CHST15: variants seen among roughly 807,000 people sequenced by gnomAD.
CHST15 encodes carbohydrate sulfotransferase 15, also known as B cell RAG associated protein (GALNAC4S-6ST).
In CHST15, 30 loss-of-function variants were observed where a neutral mutation model predicts 53.6. The ratio of observed to expected loss-of-function variants is 0.56; its 90% CI spans 0.42 to 0.76. CHST15 has a LOEUF of 0.76. Ranked by LOEUF, CHST15 falls within the 30% of genes least tolerant of loss-of-function variation. The pLI is 0.00. For synonymous variants in CHST15, 296 were observed against 289.8 expected, an observed-to-expected ratio of 1.02 and a Z score of -0.22; for missense variants, 627 against 740.5, an observed-to-expected ratio of 0.85 and a Z score of 1.78.
At chr10:124,084,117 C>T (rs1223528937) in intron 1 of CHST15, among the ~76,000 whole-genome samples, 1 of 152,210 alleles carries the variant, frequency 6.6e-6, no homozygotes, top group Non-Finnish European at 1.5e-5. Flanking sequence ...TCTGCTGCCC[C>T]AAGGAGTCCA....
Position 124,008,337 on chromosome 10 carries a change from G to A in CHST15, c.*1812C>T, listed in dbSNP as rs1371117156. The A allele has an allele frequency of 5.6e-6, 6 of 1,077,926 alleles. No homozygotes were observed. The highest frequency in any genetic ancestry group is 5.4e-5 in the Admixed American group (1 of 18,480). The allele number at this position is 1,077,926 out of a possible 1,614,324, so 66.8% of individuals were successfully genotyped here. ...ACTCAGAAGACGCACTCACCCACAC[G>A]TGCGCGTACACACACACACACGCGC... On this transcript the variant is annotated 3_prime_UTR_variant, in exon 8 of 8. Coordinates refer to ENST00000435907, the MANE Select transcript of CHST15 (RefSeq NM_001270764.2).
At chr10:124,032,601 G>A (rs554021390) in intron 5 of CHST15, among the ~76,000 whole-genome samples, 99 of 152,252 alleles carry the variant, frequency 6.5e-4, no homozygotes, top group African/African-American at 2.3e-3. Context: ...TACCACTTAC[G>A]AATGGGATTA....
Position 124,036,200 on chromosome 10 carries a change from AG to A in CHST15, c.1190+2314del, listed in dbSNP as rs1285567730. Among the ~76,000 whole-genome samples, 1 of 152,172 alleles carries A rather than the reference AG, an allele frequency of 6.6e-6. No homozygotes were observed. The highest frequency in any genetic ancestry group is 2.4e-5 in the African/African-American group (1 of 41,440). ...CCGGGGGCGGCGAGGGGTCAGCTCG[AG>A]GTGACAGTTATGTCACCATGAGAGC... On this transcript the variant is annotated intron_variant, in intron 5 of 7. Coordinates refer to ENST00000435907, the MANE Select transcript of CHST15 (RefSeq NM_001270764.2). The surrounding 1 kb of genome is among the most constrained non-coding windows in gnomAD (Gnocchi z 5.1).
At chr10:124,029,745 G>A (rs1267979289) in intron 5 of CHST15, among the ~76,000 whole-genome samples, 2 of 152,218 alleles carry the variant, frequency 1.3e-5, no homozygotes, top group Non-Finnish European at 2.9e-5. Context: ...CTCACTGCAG[G>A]GCAATGGCCA....
At chr10:124,017,443 CACCT>C (rs767733856) in intron 6 of CHST15, among the ~76,000 whole-genome samples, 5 of 152,172 alleles carry the variant, frequency 3.3e-5, no homozygotes, top group Admixed American at 6.5e-5. Context: ...TCTTCCCACC[CACCT>C]ATCGGGTTTG....
chr10:124,077,002 C>A (rs1250127893), intron 1 of CHST15, among the ~76,000 whole-genome samples: 5 of 152,226 alleles, frequency 3.3e-5, no homozygotes, highest in South Asian at 2.1e-4. Context: ...AGCCACCGCG[C>A]CCGGCCAATT....
chr10:124,020,239 CTG>C, intron 6 of CHST15: 1 of 985,504 alleles, frequency 1.0e-6, no homozygotes, highest in Non-Finnish European at 1.2e-6. Flanking sequence ...GACAAAGCAA[CTG>C]AGTCTCAGAA....
intron 1 of CHST15, among the ~76,000 whole-genome samples, chr10:124,054,329 T>G (rs1490819466): frequency 6.6e-6 from 1 of 152,248 alleles, no homozygotes; most frequent in African/African-American, 2.4e-5. Flanking sequence ...CCAGGCAGTT[T>G]TTTAAGCTTA....
intron 6 of CHST15, among the ~76,000 whole-genome samples, chr10:124,013,610 G>A (rs1173680471): frequency 2.0e-5 from 3 of 152,214 alleles, no homozygotes; most frequent in East Asian, 3.8e-4. Context: ...AAACCTGAAG[G>A]TGGGTTGGAG....
chr10:124,090,649 C>T (rs1342256630), intron 1 of CHST15, among the ~76,000 whole-genome samples: 2 of 152,236 alleles, frequency 1.3e-5, no homozygotes, highest in Non-Finnish European at 2.9e-5. Flanking sequence ...TGATATCTCA[C>T]TTTTCCTGGC....
At chr10:124,055,406 C>T (rs1427003595) in intron 1 of CHST15, among the ~76,000 whole-genome samples, 3 of 152,094 alleles carry the variant, frequency 2.0e-5, no homozygotes, top group Non-Finnish European at 2.9e-5. Flanking sequence ...GTAAATGACC[C>T]GGATTCCTTG....
At chr10:124,065,110 G>A (rs1055658648) in intron 1 of CHST15, among the ~76,000 whole-genome samples, 3 of 152,178 alleles carry the variant, frequency 2.0e-5, no homozygotes, top group Admixed American at 2.0e-4. Flanking sequence ...TGGGCTGAGC[G>A]CGGTGGCTCT....
At chr10:124,086,000 G>T (rs564664132) in intron 1 of CHST15, among the ~76,000 whole-genome samples, 2 of 152,160 alleles carry the variant, frequency 1.3e-5, no homozygotes, top group African/African-American at 2.4e-5. Flanking sequence ...CAGGCCCTGT[G>T]GGGGGCTGGG....
intron 4 of CHST15, among the ~76,000 whole-genome samples, chr10:124,040,447 T>C: frequency 6.6e-6 from 1 of 152,280 alleles, no homozygotes; most frequent in Non-Finnish European, 1.5e-5. Context: ...TGTCTAAAGC[T>C]CCGGCCTCAA....
In CHST15 at chr10:124,012,446, A is replaced by G; in HGVS notation, c.1382T>C (p.Leu461Pro). 6.2e-7 allele frequency: 1 copy of G among 1,614,214 alleles called. No homozygotes were observed. Among genetic ancestry groups the G allele is most frequent in the Non-Finnish European group, 8.5e-7 (1 of 1,180,044 alleles). Residue 461 changes from leucine to proline, a missense_variant, in exon 7 of 8, where the codon CTT becomes CCT. By Grantham distance (98) the Leu-to-Pro change is moderately conservative (BLOSUM62 -3). Coordinates refer to ENST00000435907, the MANE Select transcript of CHST15 (RefSeq NM_001270764.2). ...GTCAAAAACGCTGAGCCAGTCCAGA[A>G]GGTACACAGCATAGAGCCCAACCTG... Reference protein sequence around the residue: ...RLQVGLYAVYLLDWLSVFDKQ... With the variant: ...RLQVGLYAVYPLDWLSVFDKQ...
At chr10:124,040,323 GA>G (rs1001991235) in intron 4 of CHST15, among the ~76,000 whole-genome samples, 4 of 152,162 alleles carry the variant, frequency 2.6e-5, no homozygotes, top group African/African-American at 9.7e-5. Context: ...ATCAGGGGAG[GA>G]AAGCACGGCC....
chr10:124,061,424 C>G (rs1299328546), intron 1 of CHST15, among the ~76,000 whole-genome samples: 2 of 152,214 alleles, frequency 1.3e-5, no homozygotes, highest in African/African-American at 4.8e-5. Context: ...TGCCTTTTGC[C>G]TCCCACCATG....
chr10:124,072,644 T>G (rs1252248586), intron 1 of CHST15, among the ~76,000 whole-genome samples: 1 of 152,220 alleles, frequency 6.6e-6, no homozygotes, highest in Non-Finnish European at 1.5e-5. Flanking sequence ...CCAGCCACTT[T>G]CATCTCAAAG....
intron 5 of CHST15, among the ~76,000 whole-genome samples, chr10:124,031,243 C>A (rs1397537888): frequency 1.3e-5 from 2 of 152,210 alleles, no homozygotes; most frequent in Non-Finnish European, 2.9e-5. Flanking sequence ...TGAGAGCAAA[C>A]GGGATGGATT....
Sources: gnomAD v4.1 joint callset for allele counts (sites outside exome capture counted in the v4.1 genomes callset) on GRCh38, gnomAD v4.1.1 for gene constraint, Gnocchi (gnomAD v3.1) non-coding constraint, MANE v1.5 for transcripts, NCBI Gene and HGNC (gene_info 2026-07-23, HGNC 2026-07-21) for gene names.